Variants in TANGO6 observed in about 807,000 individuals in gnomAD.
The protein encoded by TANGO6 is transport and Golgi organization protein 6 homolog.
A neutral mutation model predicts 114.2 loss-of-function variants in TANGO6; 90 were observed. The ratio of observed to expected loss-of-function variants is 0.79; its 90% CI spans 0.66 to 0.94. The LOEUF is 0.94. TANGO6 is among the 40% of genes least tolerant of loss of function. The pLI is 0.00. For missense variants in TANGO6, 1,274 were observed against 1,315.3 expected (o/e 0.97, Z 0.49); for synonymous variants, 477 against 509.8 (o/e 0.94, Z 0.87).
intron 12 of TANGO6, among the ~76,000 whole-genome samples, chr16:68,926,531 T>C (rs1189961124): frequency 6.6e-6 from 1 of 151,850 alleles, no homozygotes; most frequent in African/African-American, 2.4e-5. Flanking sequence ...AAAAGGATTT[T>C]TTTTTCTTTT....
chr16:69,019,387 G>A (rs530838502), intron 15 of TANGO6, among the ~76,000 whole-genome samples: 37 of 152,354 alleles, frequency 2.4e-4, no homozygotes, highest in African/African-American at 8.9e-4. Flanking sequence ...TAACAGGACA[G>A]AGGTGAGTCT....
In TANGO6 at chr16:69,085,066, A is replaced by G. The variant is rs1292609480; in HGVS notation, c.*1405A>G. ...AGCTAGTGTAGCTGGATTAATTTCT[A>G]TTCTCCAAATCAAGGATGTCTAGAA... On this transcript the variant is annotated 3_prime_UTR_variant, in exon 18 of 18. Transcript: ENST00000261778. 1.3e-5 allele frequency: 2 copies of G among 152,346 alleles called. No homozygotes were observed. Among genetic ancestry groups the G allele is most frequent in the Non-Finnish European group, 2.9e-5 (2 of 68,038 alleles). The allele number at this position is 152,346 out of a possible 1,614,324, so 9.4% of individuals were successfully genotyped here.
At chr16:68,958,526 CAG>C (rs912860409) in intron 14 of TANGO6, among the ~76,000 whole-genome samples, 3 of 135,234 alleles carry the variant, frequency 2.2e-5, no homozygotes, top group African/African-American at 8.3e-5. Context: ...AGGAAGGAAG[CAG>C]GGGAGGGAGA....
At chr16:69,018,439 C>T (rs936044386) in intron 15 of TANGO6, among the ~76,000 whole-genome samples, 5 of 150,750 alleles carry the variant, frequency 3.3e-5, no homozygotes, top group Non-Finnish European at 7.4e-5. Context: ...TGAGCCACCG[C>T]GCCCGGCCGG....
At chr16:69,082,291 A>G (rs543127765) in intron 17 of TANGO6, among the ~76,000 whole-genome samples, 23 of 151,790 alleles carry the variant, frequency 1.5e-4, no homozygotes, top group African/African-American at 5.5e-4. Flanking sequence ...TTTGGTAGAG[A>G]CAGGGTTTCA....
At chr16:68,898,796 A>G (rs1470246778) in intron 7 of TANGO6, among the ~76,000 whole-genome samples, 1 of 152,066 alleles carries the variant, frequency 6.6e-6, no homozygotes, top group Non-Finnish European at 1.5e-5. Context: ...TTGTCAGCTC[A>G]TTTTCTTTCT....
At chr16:68,846,998 C>G (rs1796756713) in intron 1 of TANGO6, 1 of 151,498 alleles carries the variant, frequency 6.6e-6, no homozygotes, top group African/African-American at 2.4e-5. Context: ...TCAAGCGATT[C>G]TCCTGCCTCA....
intron 15 of TANGO6, among the ~76,000 whole-genome samples, chr16:68,992,026 C>T (rs1344511003): frequency 6.6e-6 from 1 of 151,674 alleles, no homozygotes; most frequent in Non-Finnish European, 1.5e-5. Flanking sequence ...TTAGTGAAAA[C>T]GGGGTTATAA....
chr16:69,009,962 A>T (rs564135877), intron 15 of TANGO6, among the ~76,000 whole-genome samples: 6 of 152,332 alleles, frequency 3.9e-5, no homozygotes, highest in African/African-American at 1.4e-4. Context: ...AGTGCTGCTA[A>T]GCTGGTGAGG....
At chr16:68,908,520 CA>C (rs10716493) in intron 10 of TANGO6, among the ~76,000 whole-genome samples, 95,140 of 150,838 alleles carry the variant, frequency 0.63, 31,776 homozygotes, top group African/African-American at 0.88. Context: ...ACCAAAAATA[CA>C]AAAAAAAAAT....
In TANGO6 at chr16:68,927,650, T is replaced by C; in HGVS notation, c.2210T>C (p.Ile737Thr). ...TCCAACACATACCCTGATCCGGTCATCCAAGAACTCGCTGTTGATCTCCGC... is the reference window on the plus strand; with the variant it reads ...TCCAACACATACCCTGATCCGGTCACCCAAGAACTCGCTGTTGATCTCCGC... ...KVSNTYPDPVIQELAVDLRIT... is the reference protein window; with the variant it reads ...KVSNTYPDPVTQELAVDLRIT... The change falls in exon 13 of 18, where the codon ATC becomes ACC. Residue 737 changes from isoleucine (I) to threonine (T), a missense_variant. Ile to Thr is a moderately conservative substitution (Grantham distance 89, BLOSUM62 -1). Coordinates refer to ENST00000261778, the MANE Select transcript of TANGO6 (RefSeq NM_024562.2). 6.2e-7 allele frequency: 1 copy of C among 1,614,034 alleles called. No individual in the cohort carries two copies. Among genetic ancestry groups the C allele is most frequent in the Non-Finnish European group, 8.5e-7 (1 of 1,179,896 alleles).
At chr16:68,913,434 AGTCTCACTCT>A (rs1458108140) in intron 11 of TANGO6, among the ~76,000 whole-genome samples, 3 of 137,936 alleles carry the variant, frequency 2.2e-5, no homozygotes, top group Non-Finnish European at 4.6e-5. Context: ...TTTGAGACAG[AGTCTCACTCT>A]GTCGCCCAGG....
At chr16:69,061,180 C>A (rs544950573) in intron 17 of TANGO6, among the ~76,000 whole-genome samples, 2 of 152,142 alleles carry the variant, frequency 1.3e-5, no homozygotes, top group Admixed American at 6.6e-5. Flanking sequence ...GGTTATGGAC[C>A]TGCTATCACC....
At position 69,031,049 on chromosome 16, in the gene TANGO6, G is replaced by A. The variant is rs376258571; in HGVS notation, c.2994+8070G>A. Among the ~76,000 whole-genome samples, 1,050 of 151,778 alleles carry A rather than the reference G, an allele frequency of 6.9e-3. 5 individuals carry two copies. Among genetic ancestry groups the A allele is most frequent in the South Asian group, 0.015 (74 of 4,804 alleles). On this transcript the variant is annotated intron_variant, in intron 16 of 17. Coordinates refer to ENST00000261778, the MANE Select transcript of TANGO6 (RefSeq NM_024562.2). ...CCAGCCTGGCAACAGAGCAAGACTC[G>A]ATCTCAAAAAATAAAATTAAATTAA... is the stretch of plus-strand genomic sequence containing the variant.
chr16:68,939,436 GT>G (rs1246376963), intron 14 of TANGO6, among the ~76,000 whole-genome samples: 1 of 152,130 alleles, frequency 6.6e-6, no homozygotes, highest in African/African-American at 2.4e-5. Context: ...GAGACCTGTA[GT>G]TGTCATTAAG....
chr16:68,898,322 G>A (rs1266122140), intron 7 of TANGO6, among the ~76,000 whole-genome samples: 1 of 152,122 alleles, frequency 6.6e-6, no homozygotes, highest in East Asian at 1.9e-4. Context: ...CTTAAGGGAT[G>A]TGAAAAATTA....
chr16:69,058,690 G>A (rs912469735), intron 17 of TANGO6, among the ~76,000 whole-genome samples: 2 of 152,096 alleles, frequency 1.3e-5, no homozygotes, highest in African/African-American at 4.8e-5. Flanking sequence ...TTTTGAGACG[G>A]AGTCTCGCTC....
chr16:68,870,717 G>A (rs180965337), intron 4 of TANGO6, among the ~76,000 whole-genome samples: 86 of 151,498 alleles, frequency 5.7e-4, no homozygotes, highest in African/African-American at 2.1e-3. Flanking sequence ...ATTTCTTTAT[G>A]TAGATCAAAA....
chr16:69,054,069 G>GAA (rs897406783), intron 17 of TANGO6, among the ~76,000 whole-genome samples: 1 of 147,696 alleles, frequency 6.8e-6, no homozygotes, highest in Non-Finnish European at 1.5e-5. Flanking sequence ...TGTCTCAAAA[G>GAA]AAAAAAAAAA....
Sources: allele counts gnomAD v4.1 joint callset (sites outside exome capture counted in the v4.1 genomes callset), GRCh38; gene constraint gnomAD v4.1.1; transcripts MANE v1.5; gene names NCBI Gene and HGNC (gene_info 2026-07-23, HGNC 2026-07-21).